The following RTKN variants were observed in gnomAD, a reference collection of about 807,000 sequenced individuals.
The protein encoded by RTKN is rhotekin.
In RTKN, 49 loss-of-function variants were observed where a neutral mutation model predicts 63.5. That is an observed-to-expected ratio of 0.77 (90% CI 0.61 to 0.98). The LOEUF is 0.98. Ranked by LOEUF, RTKN falls within the 50% of genes least tolerant of loss-of-function variation. The pLI, the probability that RTKN is intolerant of heterozygous loss-of-function variation, is 0.00. For missense variants in RTKN, 685 were observed against 740.8 expected, an observed-to-expected ratio of 0.92 and a Z score of 0.87; for synonymous variants, 295 against 290.4, an observed-to-expected ratio of 1.02 and a Z score of -0.16.
chr2:74,440,091 C>T, intron 1 of RTKN: 1 of 718,968 alleles, frequency 1.4e-6, no homozygotes, highest in Non-Finnish European at 1.7e-6. Context: ...GAGGGGCAGG[C>T]ACAACTGGAA....
rs756362364 is a variant in RTKN at position 74,430,533 on chromosome 2, G to A, written c.374-15C>T. ...AATCCGGAGGTCTAAGGGGCAGAGG[G>A]GTAAGAATAGATGTTGAGATGGGGC... On this transcript the variant is annotated splice_polypyrimidine_tract_variant and intron_variant, in intron 3 of 11. Transcript: ENST00000272430. The A allele has an allele frequency of 3.7e-6, 6 of 1,613,966 alleles. No individual in the cohort carries two copies. In the African/African-American group the frequency reaches 4.0e-5, roughly 11 times the overall value.
At chr2:74,431,956 T>C (rs1261350937) in intron 2 of RTKN, 2 of 217,878 alleles carry the variant, frequency 9.2e-6, no homozygotes, top group Admixed American at 5.4e-5. Flanking sequence ...GTTGCTTACA[T>C]TTTACATCCA....
In RTKN at chr2:74,426,552, G is replaced by A. The variant is rs775842468; in HGVS notation, c.1383C>T (p.Ile461=). The A allele has an allele frequency of 1.1e-5, 17 of 1,535,900 alleles. No homozygotes were observed. The highest frequency in any genetic ancestry group is 5.1e-5 in the South Asian group (4 of 78,926). Residue 461 remains isoleucine, a synonymous_variant, in exon 12 of 12, where the codon ATC becomes ATT. Coordinates refer to ENST00000272430, the MANE Select transcript of RTKN (RefSeq NM_001015055.2). ...GGGTCAGGATGTCTGTCACCGCTGC[G>A]ATGTCATCCAGCGGCTCAATAGCTG... is the stretch of plus-strand genomic sequence containing the variant. ...HEMAIEPLDD[I]AAVTDILTQR... is the part of the protein sequence containing the mutation.
intron 11 of RTKN, 82 bp downstream of exon 11, chr2:74,427,087 C>A: frequency 6.5e-7 from 1 of 1,542,960 alleles, no homozygotes; most frequent in South Asian, 1.2e-5. Flanking sequence ...TGCTTTCTCT[C>A]TGTTTCCATT....
In RTKN at chr2:74,441,839, CTGCTCAG is replaced by C; in HGVS notation, c.-30_-24del. The C allele has an allele frequency of 6.7e-7, 1 of 1,491,108 alleles. No homozygotes were observed. Among genetic ancestry groups the C allele is most frequent in the Non-Finnish European group, 9.3e-7 (1 of 1,078,942 alleles). The allele number at this position is 1,491,108 out of a possible 1,614,324, so 92.4% of individuals were successfully genotyped here. On this transcript the variant is annotated 5_prime_UTR_variant, in exon 1 of 12. Transcript: ENST00000272430. The stretch of plus-strand genomic sequence containing the variant: ...CATGCTGGCGGCCCTGCGACTTTGC[CTGCTCAG>C]TGCGCTCCCCGCGCCGCCCGGCTTA...
At chr2:74,428,138 G>T (rs1670519022) in intron 9 of RTKN, 130 bp downstream of exon 9, 2 of 1,196,196 alleles carry the variant, frequency 1.7e-6, no homozygotes, top group South Asian at 1.4e-5. Flanking sequence ...CCCTGAAGCT[G>T]GATGTGGCAC....
At chr2:74,432,410 C>G (rs1032785595) in intron 2 of RTKN, 57 bp downstream of exon 2, 2 of 1,519,306 alleles carry the variant, frequency 1.3e-6, no homozygotes, top group Admixed American at 1.7e-5. Context: ...CATGCTGCAC[C>G]ACCACCACCC....
In RTKN at chr2:74,436,183, CACTCACGGA is replaced by C. The variant is rs929206171; in HGVS notation, c.112-3526_112-3518del. Among the ~76,000 whole-genome samples the C allele has an allele frequency of 6.6e-6, 1 of 152,258 alleles. No homozygotes were observed. Among genetic ancestry groups the C allele is most frequent in the Non-Finnish European group, 1.5e-5 (1 of 68,046 alleles). The stretch of plus-strand genomic sequence containing the variant: ...TTGGCTAGTCTCATCCCAGTCCCAG[CACTCACGGA>C]TCCTTCCCCAGCCCGCTCCATTGCG... On this transcript the variant is annotated intron_variant, in intron 1 of 11. Coordinates refer to ENST00000272430, the MANE Select transcript of RTKN (RefSeq NM_001015055.2). The surrounding 1 kb of genome is among the most constrained non-coding windows in gnomAD (Gnocchi z 4.3).
Position 74,436,645 on chromosome 2 carries a change from C to A in RTKN, c.112-3979G>T, listed in dbSNP as rs1431194431. Among the ~76,000 whole-genome samples the A allele has an allele frequency of 6.6e-6, 1 of 152,044 alleles. No homozygotes were observed. The highest frequency in any genetic ancestry group is 1.5e-5 in the Non-Finnish European group (1 of 67,972). ...GTGTATAAATTGGGAGAGCTGGGGC[C>A]CTAGGGAGGTCACTGGGCCCAGCAT... On this transcript the variant is annotated intron_variant, in intron 1 of 11. Coordinates refer to ENST00000272430, the MANE Select transcript of RTKN (RefSeq NM_001015055.2). This position sits in a 1 kb window ranked among gnomAD's most constrained non-coding sequence, Gnocchi z 4.3.
intron 1 of RTKN, among the ~76,000 whole-genome samples, chr2:74,434,135 C>T (rs1670923690): frequency 6.6e-6 from 1 of 151,848 alleles, no homozygotes; most frequent in South Asian, 2.1e-4. Context: ...CCGAGTCTCA[C>T]TCTGTCACCC....
At position 74,425,988 on chromosome 2, in the gene RTKN, G is replaced by T; in HGVS notation, c.*255C>A. On this transcript the variant is annotated 3_prime_UTR_variant, in exon 12 of 12. Coordinates refer to ENST00000272430, the MANE Select transcript of RTKN (RefSeq NM_001015055.2). ...CAAAGCTGGTTAGTGCAGGGAGGTA[G>T]GGCAGAGTTGGTTCCAGTTTTCTTC... is the stretch of plus-strand genomic sequence containing the variant. 1 of 646,138 alleles carries T rather than the reference G, an allele frequency of 1.5e-6. No homozygotes were observed. The highest frequency in any genetic ancestry group is 2.6e-6 in the Non-Finnish European group (1 of 379,774). 40.0% of individuals were successfully genotyped at this position (646,138 alleles called of 1,614,324 possible). A position where few individuals can be genotyped will look rare whatever the true frequency, so the allele number is the denominator to read the frequency against.
rs745885475 is a variant in RTKN, at chr2:74,426,510, C to G, written c.1425G>C (p.Arg475Ser). The change falls in exon 12 of 12, where the codon AGG becomes AGC. Residue 475 changes from arginine to serine, a missense_variant. Physicochemically the swap from Arg to Ser is moderately radical, Grantham distance 110. Coordinates refer to ENST00000272430, the MANE Select transcript of RTKN (RefSeq NM_001015055.2). ...CCAGCCAGGGTGGGGGTGTCTCCAGCCTTGCGCCCTCCCGCTGGGTCAGGA... is the reference window on the plus strand; with the variant it reads ...CCAGCCAGGGTGGGGGTGTCTCCAGGCTTGCGCCCTCCCGCTGGGTCAGGA... Reference protein sequence around the residue: ...TDILTQREGARLETPPPWLAM... With the variant: ...TDILTQREGASLETPPPWLAM... 7.0e-6 allele frequency: 11 copies of G among 1,571,828 alleles called. No individual in the cohort carries two copies. The East Asian group carries it at 1.4e-4, about 19-fold the overall frequency.
Position 74,428,395 on chromosome 2 carries a change from T to C in RTKN, c.959A>G (p.Gln320Arg). 1 of 1,614,160 alleles carries C rather than the reference T, an allele frequency of 6.2e-7. No homozygotes were observed. The highest frequency in any genetic ancestry group is 8.5e-7 in the Non-Finnish European group (1 of 1,180,028). The part of the protein sequence containing the change: ...PTASGTLRVQ[Q>R]AGEMQNWAQV... ...TGCCCAGTTCTGCATCTCCCCAGCTTGCTGCACAAATGACTCAACATTTTC... is the reference window on the plus strand; with the variant it reads ...TGCCCAGTTCTGCATCTCCCCAGCTCGCTGCACAAATGACTCAACATTTTC... Residue 320 changes from glutamine (Q) to arginine (R), a missense_variant and splice_region_variant, in exon 9 of 12, where the codon CAA becomes CGA. Transcript: ENST00000272430.
At position 74,436,961 on chromosome 2, in the gene RTKN, G is replaced by C. The variant is rs1671101048; in HGVS notation, c.112-4295C>G. On this transcript the variant is annotated intron_variant, in intron 1 of 11. Coordinates refer to ENST00000272430, the MANE Select transcript of RTKN (RefSeq NM_001015055.2). This position sits in a 1 kb window ranked among gnomAD's most constrained non-coding sequence, Gnocchi z 4.3. ...GCAGAGCTGGGTGTCAGCTGGACCC[G>C]GGTCAGATCCCAAGGGGCTAGAGGA... Among the ~76,000 whole-genome samples, 1 of 152,128 alleles carries C rather than the reference G, an allele frequency of 6.6e-6. No homozygotes were observed. The highest frequency in any genetic ancestry group is 2.1e-4 in the South Asian group (1 of 4,826).
At chr2:74,432,689 T>A in intron 1 of RTKN, 23 bp from the exon 2 acceptor site, 1 of 1,610,582 alleles carries the variant, frequency 6.2e-7, no homozygotes, top group East Asian at 2.2e-5. Flanking sequence ...GGGGGAAGGG[T>A]GAGAAGGAAA....
chr2:74,437,455 C>A (rs1006781130), intron 1 of RTKN, among the ~76,000 whole-genome samples: 12 of 152,028 alleles, frequency 7.9e-5, no homozygotes, highest in Non-Finnish European at 1.6e-4. Context: ...GGAGAGTGAC[C>A]AAAGTGAAAC....
rs747129598 is a variant in RTKN, at chr2:74,432,715, A to G, written c.112-49T>C. The G allele has an allele frequency of 1.4e-5, 22 of 1,553,412 alleles. No individual in the cohort carries two copies. The African/African-American group carries it at 2.9e-4, about 20-fold the overall frequency. Reference sequence around the variant, plus strand: ...GAGAAGGAAATGTCAGTCAGTGGACAGGCTAAAGCACTCCCCAGTCCCCAG... The same window carrying G: ...GAGAAGGAAATGTCAGTCAGTGGACGGGCTAAAGCACTCCCCAGTCCCCAG... On this transcript the variant is annotated intron_variant, in intron 1 of 11. Coordinates refer to ENST00000272430, the MANE Select transcript of RTKN (RefSeq NM_001015055.2).
intron 1 of RTKN, 107 bp from the exon 2 acceptor site, chr2:74,432,773 T>A: frequency 4.5e-6 from 4 of 897,022 alleles, no homozygotes; most frequent in Non-Finnish European, 5.2e-6. Context: ...GACAAGAAAC[T>A]AATGTTTTAG....
intron 1 of RTKN, among the ~76,000 whole-genome samples, chr2:74,433,579 C>T (rs1439322255): frequency 6.6e-6 from 1 of 151,594 alleles, no homozygotes; most frequent in African/African-American, 2.4e-5. Flanking sequence ...AGCTCCACCT[C>T]CTGGGGTTCA....
Sources: gnomAD v4.1 joint callset for allele counts (sites outside exome capture counted in the v4.1 genomes callset) on GRCh38, gnomAD v4.1.1 for gene constraint, Gnocchi (gnomAD v3.1) non-coding constraint, MANE v1.5 for transcripts, NCBI Gene and HGNC (gene_info 2026-07-23, HGNC 2026-07-21) for gene names.